C1QTNF7: variants seen among roughly 807,000 people sequenced by gnomAD.
The protein encoded by C1QTNF7 is C1q and TNF related 7.
A neutral mutation model predicts 19.6 loss-of-function variants in C1QTNF7; 15 were observed. The observed-to-expected ratio is 0.76, with a 90% CI of 0.51 to 1.18. The LOEUF (loss-of-function observed/expected upper bound fraction) is 1.18. Among genes scored for constraint, C1QTNF7 ranks in the 50% most tolerant of loss-of-function variants. The pLI is 0.00. For missense variants in C1QTNF7, 324 were observed against 359.7 expected (o/e 0.90, Z 0.80); for synonymous variants, 142 against 137.5 (o/e 1.03, Z -0.23).
intron 1 of C1QTNF7, among the ~76,000 whole-genome samples, chr4:15,394,394 A>G (rs1718701228): frequency 5.9e-5 from 9 of 152,288 alleles, no homozygotes; most frequent in Admixed American, 5.9e-4. Flanking sequence ...CTCATACTGC[A>G]GAATGCTAGG....
chr4:15,379,921 G>A (rs1204197936), intron 1 of C1QTNF7, among the ~76,000 whole-genome samples: 1 of 152,190 alleles, frequency 6.6e-6, no homozygotes, highest in East Asian at 1.9e-4. Context: ...GAGTCCAGCT[G>A]TCCTATTCTT....
intron 1 of C1QTNF7, among the ~76,000 whole-genome samples, chr4:15,421,052 A>G (rs2108925884): frequency 6.6e-6 from 1 of 151,906 alleles, no homozygotes; most frequent in South Asian, 2.1e-4. Flanking sequence ...AACTTGGCTC[A>G]TGTCCTCAGG....
At chr4:15,411,168 G>A (rs1036672738) in intron 1 of C1QTNF7, among the ~76,000 whole-genome samples, 2 of 152,124 alleles carry the variant, frequency 1.3e-5, no homozygotes, top group Non-Finnish European at 2.9e-5. Flanking sequence ...CACTTACAAT[G>A]TGCCAGTGTT....
chr4:15,436,033 C>T, intron 2 of C1QTNF7, 52 bp downstream of exon 2: 1 of 1,563,568 alleles, frequency 6.4e-7, no homozygotes, highest in Non-Finnish European at 8.6e-7. Context: ...CACCTTAAAA[C>T]TGTTCCCCTT....
At chr4:15,388,388 A>C (rs572642182) in intron 1 of C1QTNF7, among the ~76,000 whole-genome samples, 1 of 152,318 alleles carries the variant, frequency 6.6e-6, no homozygotes, top group African/African-American at 2.4e-5. Context: ...TTAGCCAAAT[A>C]AGTTACAACA....
intron 1 of C1QTNF7, among the ~76,000 whole-genome samples, chr4:15,378,391 T>A (rs1351132876): frequency 1.3e-5 from 2 of 152,198 alleles, no homozygotes; most frequent in Non-Finnish European, 2.9e-5. Flanking sequence ...TTCTCTTTCT[T>A]AGTATCATAT....
chr4:15,367,688 G>C (rs563668092), intron 1 of C1QTNF7, among the ~76,000 whole-genome samples: 2 of 152,176 alleles, frequency 1.3e-5, no homozygotes, highest in Non-Finnish European at 2.9e-5. Context: ...CCTTTTGGTA[G>C]CCTTGAGATT....
At chr4:15,388,368 G>C (rs1718420139) in intron 1 of C1QTNF7, among the ~76,000 whole-genome samples, 1 of 152,196 alleles carries the variant, frequency 6.6e-6, no homozygotes, top group East Asian at 1.9e-4. Flanking sequence ...CATCCAGCCA[G>C]AATGGTGGAT....
chr4:15,346,279 G>A (rs974704904), intron 1 of C1QTNF7, among the ~76,000 whole-genome samples: 8 of 152,162 alleles, frequency 5.3e-5, no homozygotes, highest in Non-Finnish European at 1.2e-4. Context: ...ATACATGTTT[G>A]TCTGTCTTCT....
intron 1 of C1QTNF7, among the ~76,000 whole-genome samples, chr4:15,373,084 CTAAG>C (rs1717791793): frequency 6.6e-6 from 1 of 152,178 alleles, no homozygotes; most frequent in Non-Finnish European, 1.5e-5. Flanking sequence ...ATACCACAGA[CTAAG>C]TAATTTATAA....
At chr4:15,439,309 G>A (rs1192016215) in intron 2 of C1QTNF7, among the ~76,000 whole-genome samples, 2 of 152,182 alleles carry the variant, frequency 1.3e-5, no homozygotes, top group Non-Finnish European at 2.9e-5. Flanking sequence ...CTTTCAGGCC[G>A]TGAAGGCCTT....
intron 1 of C1QTNF7, among the ~76,000 whole-genome samples, chr4:15,371,622 A>C (rs1717731370): frequency 6.6e-6 from 1 of 152,232 alleles, no homozygotes; most frequent in Non-Finnish European, 1.5e-5. Flanking sequence ...CTATGAAAGG[A>C]GAAAAAATTA....
intron 1 of C1QTNF7, among the ~76,000 whole-genome samples, chr4:15,382,918 T>C (rs577518850): frequency 2.6e-5 from 4 of 152,342 alleles, no homozygotes; most frequent in African/African-American, 9.6e-5. Context: ...TCATTACATG[T>C]TCATTGAACA....
At chr4:15,357,479 T>C (rs954162542) in intron 1 of C1QTNF7, among the ~76,000 whole-genome samples, 4 of 152,204 alleles carry the variant, frequency 2.6e-5, no homozygotes, top group African/African-American at 4.8e-5. Context: ...TGCTGTTTTG[T>C]TACTGCAGCC....
intron 1 of C1QTNF7, among the ~76,000 whole-genome samples, chr4:15,382,070 T>A (rs1281135859): frequency 6.6e-6 from 1 of 152,186 alleles, no homozygotes; most frequent in Non-Finnish European, 1.5e-5. Context: ...GTGACTTCAG[T>A]GTTTGTTTCC....
intron 1 of C1QTNF7, among the ~76,000 whole-genome samples, chr4:15,420,826 CTTTTTTTTTTTTTTTTT>C (rs61609914): frequency 3.2e-3 from 215 of 66,250 alleles, no homozygotes; most frequent in African/African-American, 0.012. Context: ...ACTGCTTTGT[CTTTTTTTTTTTTTTTTT>C]TTTTTTTTTT....
Position 15,439,214 on chromosome 4 carries a change from G to C in C1QTNF7, c.239-2954G>C, listed in dbSNP as rs577250216. Among the ~76,000 whole-genome samples, 3 of 152,316 alleles carry C rather than the reference G, an allele frequency of 2.0e-5. No homozygotes were observed. The South Asian group carries it at 6.2e-4, about 32-fold the overall frequency. ...CAAATTCTTCATACAAACAGGAAGAGTAACTATACATTATTACAGCTAGTC... is the reference window on the plus strand; with the variant it reads ...CAAATTCTTCATACAAACAGGAAGACTAACTATACATTATTACAGCTAGTC... On this transcript the variant is annotated intron_variant, in intron 2 of 2. Coordinates refer to ENST00000444304, the MANE Select transcript of C1QTNF7 (RefSeq NM_031911.5).
intron 1 of C1QTNF7, among the ~76,000 whole-genome samples, chr4:15,368,716 G>A (rs1717618555): frequency 6.6e-6 from 1 of 152,178 alleles, no homozygotes; most frequent in Admixed American, 6.5e-5. Context: ...TAGGTTCCAA[G>A]TCTTTGCTAT....
chr4:15,342,113 G>A (rs1158578798), intron 1 of C1QTNF7, among the ~76,000 whole-genome samples: 4 of 152,214 alleles, frequency 2.6e-5, no homozygotes, highest in Non-Finnish European at 1.5e-5. Context: ...ACAGAGCCCT[G>A]GAAAGGACAG....
Sources: gnomAD v4.1 joint callset for allele counts (sites outside exome capture counted in the v4.1 genomes callset) on GRCh38, gnomAD v4.1.1 for gene constraint, MANE v1.5 for transcripts, NCBI Gene and HGNC (gene_info 2026-07-23, HGNC 2026-07-21) for gene names.